The following TRPC5 variants were observed in gnomAD, a reference collection of about 807,000 sequenced individuals.
The protein encoded by TRPC5 is transient receptor potential cation channel subfamily C member 5.
Under a neutral mutation model 56.5 loss-of-function variants are expected in TRPC5, and 9 were observed. The observed-to-expected ratio is 0.16, with a 90% CI of 0.10 to 0.28. The LOEUF is 0.28. Among genes scored for constraint, TRPC5 ranks in the 10% least tolerant of loss-of-function variants. The pLI, the probability that TRPC5 is intolerant of heterozygous loss-of-function variation, is 1.00. For synonymous variants in TRPC5, 282 were observed against 278.5 expected (o/e 1.01, Z -0.13); for missense variants, 469 against 748.9 (o/e 0.63, Z 4.36).
chrX:111,777,505 G>T (rs1945888349), intron 10 of TRPC5, among the ~76,000 whole-genome samples: 1 of 110,097 alleles, frequency 9.1e-6, no homozygotes, highest in Admixed American at 9.9e-5. Flanking sequence ...ATACTAGATT[G>T]TTCCTTTAAA....
intron 2 of TRPC5, among the ~76,000 whole-genome samples, chrX:111,947,737 T>A (rs762077366): frequency 8.9e-6 from 1 of 112,045 alleles, no homozygotes; most frequent in African/African-American, 3.2e-5. Context: ...TAGCACAGTG[T>A]GGGTTGTATG....
chrX:111,824,748 C>T (rs999767725), intron 7 of TRPC5, among the ~76,000 whole-genome samples: 1 of 111,562 alleles, frequency 9.0e-6, no homozygotes, highest in East Asian at 2.8e-4. Flanking sequence ...CCTAAAGATG[C>T]GACTACTGTT....
At chrX:111,885,239 G>A (rs1016625846) in intron 3 of TRPC5, among the ~76,000 whole-genome samples, 8 of 112,575 alleles carry the variant, frequency 7.1e-5, no homozygotes, top group African/African-American at 2.6e-4. Context: ...AATTTAATGT[G>A]TAGCAAGGGC....
At chrX:111,851,398 A>C (rs1255505525) in intron 5 of TRPC5, among the ~76,000 whole-genome samples, 3 of 111,471 alleles carry the variant, frequency 2.7e-5, no homozygotes, top group Non-Finnish European at 3.8e-5. Context: ...CCATTATTTA[A>C]TAAGCACCAG....
intron 3 of TRPC5, chrX:111,902,411 C>T (rs939001998): frequency 4.1e-6 from 1 of 244,458 alleles, no homozygotes; most frequent in Non-Finnish European, 7.2e-6. Flanking sequence ...CCATGTAGGT[C>T]TCCCTTTACC....
intron 1 of TRPC5, among the ~76,000 whole-genome samples, chrX:111,992,990 T>G (rs990976414): frequency 9.0e-6 from 1 of 110,525 alleles, no homozygotes; most frequent in Non-Finnish European, 1.9e-5. Flanking sequence ...CCATGTTGGT[T>G]TGCTGTACCC....
At chrX:111,897,269 G>C (rs1253337426) in intron 3 of TRPC5, among the ~76,000 whole-genome samples, 2 of 111,474 alleles carry the variant, frequency 1.8e-5, no homozygotes, top group African/African-American at 6.5e-5. Context: ...TACAGTCCTT[G>C]ACACACAATA....
intron 7 of TRPC5, among the ~76,000 whole-genome samples, chrX:111,802,706 T>C (rs1921353745): frequency 9.0e-6 from 1 of 111,240 alleles, no homozygotes; most frequent in South Asian, 3.8e-4. Context: ...CAACTATTGC[T>C]CAAGGAATAT....
chrX:112,004,190 A>G (rs534333852), intron 1 of TRPC5, among the ~76,000 whole-genome samples: 34 of 111,934 alleles, frequency 3.0e-4, no homozygotes, highest in African/African-American at 1.0e-3. Flanking sequence ...TCCATGTTGC[A>G]CTTAATTAAC....
chrX:112,029,272 A>G (rs1256521737), intron 1 of TRPC5, among the ~76,000 whole-genome samples: 2 of 111,959 alleles, frequency 1.8e-5, no homozygotes, highest in African/African-American at 6.5e-5. Context: ...GGATTATTTC[A>G]ATTAACATAA....
intron 1 of TRPC5, among the ~76,000 whole-genome samples, chrX:112,008,560 A>G (rs1928903977): frequency 9.3e-6 from 1 of 107,339 alleles, no homozygotes; most frequent in Non-Finnish European, 1.9e-5. Flanking sequence ...AGATTACGCC[A>G]CTGCACTCCA....
chrX:111,890,353 T>C (rs1924741740), intron 3 of TRPC5, among the ~76,000 whole-genome samples: 1 of 111,933 alleles, frequency 8.9e-6, no homozygotes, highest in African/African-American at 3.2e-5. Context: ...TCATCAGCTG[T>C]CATTAGTGTT....
chrX:111,970,810 C>T (rs1228305831), intron 1 of TRPC5, among the ~76,000 whole-genome samples: 1 of 100,741 alleles, frequency 9.9e-6, no homozygotes, highest in Non-Finnish European at 2.0e-5. Flanking sequence ...TGCTCTGTCG[C>T]CCAGGCTGGA....
chrX:111,842,128 A>ATATATATTATATATAATATATATAT (rs1388692626), intron 6 of TRPC5, among the ~76,000 whole-genome samples: 1 of 84,539 alleles, frequency 1.2e-5, no homozygotes, highest in African/African-American at 8.4e-5. Context: ...TTTTATATAT[A>ATATATATTATATATAATATATATAT]TATGTATATA....
intron 7 of TRPC5, among the ~76,000 whole-genome samples, chrX:111,790,819 A>G (rs1381501898): frequency 9.1e-6 from 1 of 109,867 alleles, no homozygotes; most frequent in Non-Finnish European, 1.9e-5. Context: ...CAAGAGTTCA[A>G]GACCAGCTTT....
At chrX:112,017,087 C>G (rs1043952180) in intron 1 of TRPC5, among the ~76,000 whole-genome samples, 5 of 111,679 alleles carry the variant, frequency 4.5e-5, no homozygotes, top group Non-Finnish European at 9.4e-5. Context: ...AATCTCGGCT[C>G]ACTGCAACCT....
chrX:112,063,916 C>T (rs775773548), intron 1 of TRPC5, among the ~76,000 whole-genome samples: 4 of 111,534 alleles, frequency 3.6e-5, no homozygotes, highest in Admixed American at 9.5e-5. Context: ...CTTGGCCTCC[C>T]GAGCAGTTGG....
chrX:111,842,596 C>T (rs1922792864), intron 6 of TRPC5, among the ~76,000 whole-genome samples: 2 of 112,272 alleles, frequency 1.8e-5, no homozygotes, highest in African/African-American at 3.2e-5. Context: ...GGATGGAAAT[C>T]GATGGCATGC....
intron 2 of TRPC5, among the ~76,000 whole-genome samples, chrX:111,923,911 C>T (rs953876541): frequency 1.8e-5 from 2 of 112,168 alleles, no homozygotes; most frequent in South Asian, 7.5e-4. Flanking sequence ...GTAGGTGGCC[C>T]TACTGTGGAG....
Sources: gnomAD v4.1 joint callset for allele counts (sites outside exome capture counted in the v4.1 genomes callset) on GRCh38, gnomAD v4.1.1 for gene constraint, MANE v1.5 for transcripts, NCBI Gene and HGNC (gene_info 2026-07-23, HGNC 2026-07-21) for gene names.